The following ALPK1 variants were observed in gnomAD, a reference collection of about 807,000 sequenced individuals.
The protein encoded by ALPK1 is alpha-protein kinase 1.
Under a neutral mutation model 120.6 loss-of-function variants are expected in ALPK1, and 110 were observed. That is an observed-to-expected ratio of 0.91 (90% confidence interval 0.78 to 1.07). The LOEUF (loss-of-function observed/expected upper bound fraction) is 1.07, where lower values mean the gene tolerates loss of function less well. ALPK1 is among the 50% of genes least tolerant of loss of function. The probability of loss-of-function intolerance (pLI) is 0.00; values close to 1 mark genes in which losing one functional copy is unlikely to be tolerated. For synonymous variants in ALPK1, 582 were observed against 560.3 expected (o/e 1.04, Z -0.55); for missense variants, 1,498 against 1,483.9 (o/e 1.01, Z -0.16).
intron 2 of ALPK1, chr4:112,358,534 C>T (rs1003357596): frequency 2.9e-6 from 2 of 690,078 alleles, no homozygotes; most frequent in African/African-American, 1.8e-5. Context: ...CGGAGGGCAG[C>T]CTGTATATGG....
chr4:112,420,171 C>T (rs1733928044), intron 5 of ALPK1, among the ~76,000 whole-genome samples: 1 of 152,206 alleles, frequency 6.6e-6, no homozygotes, highest in Non-Finnish European at 1.5e-5. Context: ...TCAGAGTTCA[C>T]ACTCTAATGG....
rs576238092 is a variant in ALPK1, at chr4:112,391,030, G to A, written c.276+8478G>A. On this transcript the variant is annotated intron_variant, in intron 4 of 15. Transcript: ENST00000650871. ...CAACCTAAGGTATGTCATGATTCAT[G>A]GAATGAGCTAGACTGAGGTAGATTG... Among the ~76,000 whole-genome samples the A allele has an allele frequency of 3.8e-4, 58 of 152,282 alleles. 1 individual carries two copies. The highest frequency in any genetic ancestry group is 1.3e-3 in the African/African-American group (54 of 41,560).
In ALPK1 at chr4:112,328,978, C is replaced by T. The variant is rs544831238; in HGVS notation, c.-101+13126C>T. On this transcript the variant is annotated intron_variant, in intron 2 of 15. Transcript: ENST00000650871. ...CTAGGCTTCCACAGTGCCTCTGCTC[C>T]GTCATTTATCACAAGGCTGTAATCA... Among the ~76,000 whole-genome samples, 12 of 152,292 alleles carry T rather than the reference C, an allele frequency of 7.9e-5. No individual in the cohort carries two copies. In the South Asian group the frequency reaches 2.3e-3, roughly 29 times the overall value.
chr4:112,430,834 C>T lies in ALPK1; in HGVS notation c.1287C>T (p.Asp429=). 1 of 1,614,178 alleles carries T rather than the reference C, an allele frequency of 6.2e-7. No individual in the cohort carries two copies. Among genetic ancestry groups the T allele is most frequent in the Non-Finnish European group, 8.5e-7 (1 of 1,180,002 alleles). Residue 429 remains aspartate (D), a synonymous_variant, in exon 11 of 16, where the codon GAC becomes GAT. Transcript: ENST00000650871. ...TTCAAAGCTTCTCAAATGTAGATGACAGATCTTATGTTCCCGAGAGTTTCG... is the reference window on the plus strand; with the variant it reads ...TTCAAAGCTTCTCAAATGTAGATGATAGATCTTATGTTCCCGAGAGTTTCG... ...LQVQSFSNVD[D]RSYVPESFEC... is the part of the protein sequence containing the mutation.
At chr4:112,318,540 G>A (rs1016701376) in intron 2 of ALPK1, among the ~76,000 whole-genome samples, 2 of 152,190 alleles carry the variant, frequency 1.3e-5, no homozygotes, top group African/African-American at 4.8e-5. Context: ...ATGGAAGACT[G>A]GAGTATATGC....
At chr4:112,356,188 C>T in intron 2 of ALPK1, 1 of 1,607,368 alleles carries the variant, frequency 6.2e-7, no homozygotes, top group Non-Finnish European at 8.5e-7. Context: ...CCCAGCCCTA[C>T]AAATGCCAAC....
In ALPK1 at chr4:112,425,420, A is replaced by T. The variant is rs549538053; in HGVS notation, c.536-245A>T. The stretch of plus-strand genomic sequence containing the variant: ...TGCCATGAAGCAAGAGGCCAGCCCT[A>T]TAACAAGGAGGCAAAATAAAGTAGA... On this transcript the variant is annotated intron_variant, in intron 6 of 15. Coordinates refer to ENST00000650871, the MANE Select transcript of ALPK1 (RefSeq NM_025144.4). 178 of 294,740 alleles carry T rather than the reference A, an allele frequency of 6.0e-4. 1 individual carries two copies. In the South Asian group the frequency reaches 7.2e-3, roughly 12 times the overall value. The allele number at this position is 294,740 out of a possible 1,614,324, so 18.3% of individuals were successfully genotyped here.
chr4:112,348,792 G>A (rs1430953056), intron 2 of ALPK1, among the ~76,000 whole-genome samples: 1 of 152,182 alleles, frequency 6.6e-6, no homozygotes, highest in Non-Finnish European at 1.5e-5. Flanking sequence ...CAGGAGTGTG[G>A]TCTGCCAATC....
At chr4:112,312,992 T>C (rs560716663) in intron 1 of ALPK1, among the ~76,000 whole-genome samples, 2 of 152,316 alleles carry the variant, frequency 1.3e-5, no homozygotes, top group Middle Eastern at 6.8e-3. Context: ...AATGCCCAGC[T>C]CATCAAGAGT....
At chr4:112,364,225 A>G (rs190004443) in intron 2 of ALPK1, among the ~76,000 whole-genome samples, 64 of 151,798 alleles carry the variant, frequency 4.2e-4, no homozygotes, top group African/African-American at 1.5e-3. Flanking sequence ...GCAGAACTGA[A>G]TTAAATTAAA....
At chr4:112,298,599 T>G (rs1727645932) in intron 1 of ALPK1, among the ~76,000 whole-genome samples, 1 of 152,212 alleles carries the variant, frequency 6.6e-6, no homozygotes, top group Admixed American at 6.5e-5. Flanking sequence ...TTGTATAGCA[T>G]CTCTATCTGC....
At chr4:112,317,166 A>C (rs1256481363) in intron 2 of ALPK1, among the ~76,000 whole-genome samples, 1 of 152,066 alleles carries the variant, frequency 6.6e-6, no homozygotes, top group East Asian at 1.9e-4. Flanking sequence ...ATGATTTGCA[A>C]ATATTTTTTC....
At position 112,441,458 on chromosome 4, in the gene ALPK1, A is replaced by G. The variant is rs797009906; in HGVS notation, c.*248A>G. The G allele has an allele frequency of 7.1e-5, 40 of 567,052 alleles. No individual in the cohort carries two copies. In the African/African-American group the frequency reaches 7.1e-4, roughly 10 times the overall value. 35.1% of individuals were successfully genotyped at this position (567,052 alleles called of 1,614,324 possible). On this transcript the variant is annotated 3_prime_UTR_variant, in exon 16 of 16. Coordinates refer to ENST00000650871, the MANE Select transcript of ALPK1 (RefSeq NM_025144.4). ...GCCCCAACTCACCCATGAGGGATGA[A>G]AAGCACTCTTGAGAAAGGCATGTGT...
intron 4 of ALPK1, among the ~76,000 whole-genome samples, chr4:112,391,729 G>A (rs1033913648): frequency 1.8e-4 from 27 of 152,306 alleles, no homozygotes; most frequent in African/African-American, 6.5e-4. Context: ...GGGAACAGAT[G>A]CTCCTGTTAG....
chr4:112,399,134 G>T (rs1261286622), intron 4 of ALPK1, among the ~76,000 whole-genome samples: 1 of 152,136 alleles, frequency 6.6e-6, no homozygotes, highest in Non-Finnish European at 1.5e-5. Flanking sequence ...CATCAGTGTT[G>T]ATATTTAAGG....
chr4:112,327,608 A>T (rs183312670), intron 2 of ALPK1, among the ~76,000 whole-genome samples: 4 of 152,154 alleles, frequency 2.6e-5, no homozygotes, highest in Admixed American at 1.3e-4. Flanking sequence ...GATAATTTTT[A>T]AAAATTTTTT....
intron 12 of ALPK1, 62 bp downstream of exon 12, chr4:112,435,363 G>A: frequency 6.6e-7 from 1 of 1,512,338 alleles, no homozygotes. Flanking sequence ...CTTCTGTTAA[G>A]TAATCACTCA....
At chr4:112,343,869 GTTCA>G (rs1373171762) in intron 2 of ALPK1, among the ~76,000 whole-genome samples, 1 of 152,016 alleles carries the variant, frequency 6.6e-6, no homozygotes, top group African/African-American at 2.4e-5. Context: ...CTAGAAGGCT[GTTCA>G]TATATCCACA....
chr4:112,323,721 G>A (rs1038659425), intron 2 of ALPK1, among the ~76,000 whole-genome samples: 1 of 152,146 alleles, frequency 6.6e-6, no homozygotes, highest in Non-Finnish European at 1.5e-5. Context: ...CTAGGAGTGA[G>A]GCAATTCTTG....
Sources: allele counts gnomAD v4.1 joint callset (sites outside exome capture counted in the v4.1 genomes callset), GRCh38; gene constraint gnomAD v4.1.1; transcripts MANE v1.5; gene names NCBI Gene and HGNC (gene_info 2026-07-23, HGNC 2026-07-21).